Variants in GNAI1 observed in about 807,000 individuals in gnomAD.
GNAI1 encodes G protein subunit alpha i1.
Under a neutral mutation model 38.9 loss-of-function variants are expected in GNAI1, and 11 were observed. That is an observed-to-expected ratio of 0.28 (90% CI 0.18 to 0.47). The LOEUF (loss-of-function observed/expected upper bound fraction) is 0.47. Ranked by LOEUF, GNAI1 falls within the 20% of genes least tolerant of loss-of-function variation. The pLI, the probability that GNAI1 is intolerant of heterozygous loss-of-function variation, is 0.99. For missense variants in GNAI1, 317 were observed against 436.9 expected (o/e 0.73, Z 2.45); for synonymous variants, 166 against 145.1 (o/e 1.14, Z -1.04).
chr7:80,159,439 T>G lies in GNAI1; in HGVS notation c.118+24161T>G, dbSNP rs544541967. 2.6e-5 allele frequency among the ~76,000 whole-genome samples: 4 copies of G among 152,284 alleles called. No homozygotes were observed. In the East Asian group the frequency reaches 7.7e-4, roughly 29 times the overall value. On this transcript the variant is annotated intron_variant, in intron 1 of 7. Transcript: ENST00000649796. ...TTCAGTCAGTACTCTTGTTGGCCCA[T>G]AGCAGACACTTTAAATATTTTCATT...
intron 1 of GNAI1, among the ~76,000 whole-genome samples, chr7:80,149,462 T>C (rs1239223229): frequency 6.6e-6 from 1 of 152,126 alleles, no homozygotes; most frequent in African/African-American, 2.4e-5. Flanking sequence ...AGGAGGCATG[T>C]GAAGCTGCTG....
At chr7:80,192,536 C>T (rs1254731929) in intron 3 of GNAI1, among the ~76,000 whole-genome samples, 1 of 152,088 alleles carries the variant, frequency 6.6e-6, no homozygotes, top group Non-Finnish European at 1.5e-5. Context: ...GCTATTCAAC[C>T]TCCCTAAGCT....
chr7:80,223,483 A>G lies in GNAI1; in HGVS notation c.*5990A>G, dbSNP rs1234193596. 6.6e-6 allele frequency among the ~76,000 whole-genome samples: 1 copy of G among 152,180 alleles called. No homozygotes were observed. The highest frequency in any genetic ancestry group is 1.5e-5 in the Non-Finnish European group (1 of 68,030). ...TTTAATTATGTTCTGTGGAAACTTCACAGAGTTTTAGCTTTGATCCTTCCT... is the reference window on the plus strand; with the variant it reads ...TTTAATTATGTTCTGTGGAAACTTCGCAGAGTTTTAGCTTTGATCCTTCCT... On this transcript the variant is annotated 3_prime_UTR_variant, in exon 8 of 8. Coordinates refer to ENST00000649796, the MANE Select transcript of GNAI1 (RefSeq NM_002069.6).
At chr7:80,162,723 A>G (rs1341727169) in intron 1 of GNAI1, among the ~76,000 whole-genome samples, 2 of 152,164 alleles carry the variant, frequency 1.3e-5, no homozygotes, top group African/African-American at 2.4e-5. Flanking sequence ...TGGTTAAGAT[A>G]CATACCTGGG....
intron 1 of GNAI1, among the ~76,000 whole-genome samples, chr7:80,143,372 C>G (rs1359027268): frequency 6.6e-6 from 1 of 152,092 alleles, no homozygotes; most frequent in Non-Finnish European, 1.5e-5. Flanking sequence ...GCTTGCCTCT[C>G]AGATATTACT....
intron 1 of GNAI1, among the ~76,000 whole-genome samples, chr7:80,138,013 G>C (rs1787455291): frequency 1.3e-5 from 2 of 152,296 alleles, no homozygotes; most frequent in South Asian, 4.1e-4. Flanking sequence ...ATAATTCCAT[G>C]TAAAACACGG....
At chr7:80,195,901 C>G (rs1181730117) in intron 3 of GNAI1, among the ~76,000 whole-genome samples, 1 of 151,856 alleles carries the variant, frequency 6.6e-6, no homozygotes, top group East Asian at 1.9e-4. Context: ...TCTAAGAATG[C>G]TCCTTTTTCT....
Position 80,219,111 on chromosome 7 carries a change from T to C in GNAI1, c.*1618T>C, listed in dbSNP as rs905587634. On this transcript the variant is annotated 3_prime_UTR_variant, in exon 8 of 8. Coordinates refer to ENST00000649796, the MANE Select transcript of GNAI1 (RefSeq NM_002069.6). Reference sequence around the variant, plus strand: ...TTCATTTGGAGGATTTTCTTCTTTGTAATGTAAAGAAATTCAAAGTTATCA... The same window carrying C: ...TTCATTTGGAGGATTTTCTTCTTTGCAATGTAAAGAAATTCAAAGTTATCA... 3.9e-5 allele frequency: 6 copies of C among 152,350 alleles called. No individual in the cohort carries two copies. Among genetic ancestry groups the C allele is most frequent in the African/African-American group, 1.4e-4 (6 of 41,390 alleles). The allele number at this position is 152,350 out of a possible 1,614,324, so 9.4% of individuals were successfully genotyped here.
At chr7:80,197,561 G>A (rs1303013889) in intron 3 of GNAI1, among the ~76,000 whole-genome samples, 1 of 151,944 alleles carries the variant, frequency 6.6e-6, no homozygotes, top group Admixed American at 6.6e-5. Context: ...AATAAAAATG[G>A]TCAAATTCAG....
chr7:80,197,774 T>A (rs1788606081), intron 3 of GNAI1, among the ~76,000 whole-genome samples: 1 of 152,084 alleles, frequency 6.6e-6, no homozygotes, highest in Non-Finnish European at 1.5e-5. Flanking sequence ...CTGAGAGACT[T>A]AATTATTTTT....
chr7:80,215,986 C>T (rs977978681), intron 7 of GNAI1, among the ~76,000 whole-genome samples: 1 of 152,094 alleles, frequency 6.6e-6, no homozygotes, highest in Non-Finnish European at 1.5e-5. Flanking sequence ...AATGATGGCA[C>T]TGCAGAGCAG....
intron 5 of GNAI1, among the ~76,000 whole-genome samples, chr7:80,206,062 A>G (rs980495055): frequency 1.2e-4 from 19 of 152,118 alleles, no homozygotes; most frequent in Non-Finnish European, 2.6e-4. Context: ...GAAGTAGTCA[A>G]CACTGTTAAA....
chr7:80,168,259 A>T (rs1426958091), intron 1 of GNAI1, among the ~76,000 whole-genome samples: 1 of 152,134 alleles, frequency 6.6e-6, no homozygotes, highest in African/African-American at 2.4e-5. Flanking sequence ...CTCGGTTTTT[A>T]AAAGATTACT....
intron 1 of GNAI1, among the ~76,000 whole-genome samples, 172 bp from the exon 2 acceptor site, chr7:80,188,779 A>G (rs1321207738): frequency 1.3e-5 from 2 of 152,050 alleles, no homozygotes; most frequent in Non-Finnish European, 2.9e-5. Flanking sequence ...TTCATCCTAC[A>G]TATTTGCTGC....
intron 3 of GNAI1, among the ~76,000 whole-genome samples, chr7:80,192,922 C>T (rs1209699981): frequency 6.6e-6 from 1 of 152,074 alleles, no homozygotes; most frequent in Non-Finnish European, 1.5e-5. Flanking sequence ...TGGTCTCGAT[C>T]TCCTGACCTC....
At position 80,212,772 on chromosome 7, in the gene GNAI1, T is replaced by A; in HGVS notation, c.777T>A (p.Phe259Leu). ...ACAGCATATGTAACAACAAGTGGTT[T>A]ACAGATACATCCATTATACTTTTTC... ...LFDSICNNKWFTDTSIILFLN... is the reference protein window; with the variant it reads ...LFDSICNNKWLTDTSIILFLN... Residue 259 changes from phenylalanine (F) to leucine (L), a missense_variant, in exon 7 of 8, where the codon TTT becomes TTA. By Grantham distance (22) the Phe-to-Leu change is conservative (BLOSUM62 0). Transcript: ENST00000649796. 1 of 1,571,354 alleles carries A rather than the reference T, an allele frequency of 6.4e-7. No homozygotes were observed. Among genetic ancestry groups the A allele is most frequent in the Non-Finnish European group, 8.6e-7 (1 of 1,160,436 alleles).
intron 4 of GNAI1, among the ~76,000 whole-genome samples, chr7:80,202,256 ATT>A (rs1428425659): frequency 6.6e-6 from 1 of 151,724 alleles, no homozygotes; most frequent in Non-Finnish European, 1.5e-5. Context: ...CGTCCAGCTG[ATT>A]TTTGCATTTT....
rs1161476798 is a variant in GNAI1, at chr7:80,225,302, A to T, written c.*7809A>T. On this transcript the variant is annotated 3_prime_UTR_variant, in exon 8 of 8. Transcript: ENST00000649796. ...ATCTATACTCTAAAACAGGGTTTTG[A>T]AATTAGCAGCTCTCTTTATTTTTAG... 1.3e-5 allele frequency among the ~76,000 whole-genome samples: 2 copies of T among 152,236 alleles called. No individual in the cohort carries two copies. The highest frequency in any genetic ancestry group is 1.3e-4 in the Admixed American group (2 of 15,280).
intron 1 of GNAI1, among the ~76,000 whole-genome samples, chr7:80,157,355 A>C (rs2116117555): frequency 6.6e-6 from 1 of 152,366 alleles, no homozygotes; most frequent in African/African-American, 2.4e-5. Context: ...CTACTGAATG[A>C]CATCTTAGTT....
Sources: gnomAD v4.1 joint callset for allele counts (sites outside exome capture counted in the v4.1 genomes callset) on GRCh38, gnomAD v4.1.1 for gene constraint, MANE v1.5 for transcripts, NCBI Gene and HGNC (gene_info 2026-07-23, HGNC 2026-07-21) for gene names.